BAZ2B: variants seen among roughly 807,000 people sequenced by gnomAD.
The protein encoded by BAZ2B is bromodomain adjacent to zinc finger domain 2B, also known as bromodomain adjacent to zinc finger domain protein 2B.
Under a neutral mutation model 246.0 loss-of-function variants are expected in BAZ2B, and 91 were observed. That is an observed-to-expected ratio of 0.37 (90% CI 0.31 to 0.44). The LOEUF (loss-of-function observed/expected upper bound fraction) is 0.44. Ranked by LOEUF, BAZ2B falls within the 20% of genes least tolerant of loss-of-function variation. BAZ2B has a pLI of 1.00. For missense variants in BAZ2B, 2,332 were observed against 2,533.7 expected (o/e 0.92, Z 1.71); for synonymous variants, 855 against 860.0 (o/e 0.99, Z 0.10).
chr2:159,666,198 C>T, the BAZ2B span, among the ~76,000 whole-genome samples: 1 of 149,662 alleles, frequency 6.7e-6, no homozygotes, highest in African/African-American at 2.5e-5. Context: ...TTTCAAAGAG[C>T]AAAAGTTTTA....
chr2:159,418,853 T>A (rs1480880414), intron 13 of BAZ2B, among the ~76,000 whole-genome samples: 1 of 152,174 alleles, frequency 6.6e-6, no homozygotes, highest in Non-Finnish European at 1.5e-5. Context: ...TGTAAGTGAA[T>A]GGAAGGACTT....
At position 159,498,873 on chromosome 2, in the gene BAZ2B, T is replaced by G. The variant is rs1254352649; in HGVS notation, c.-2-20152A>C. On this transcript the variant is annotated intron_variant, in intron 2 of 36. Coordinates refer to ENST00000392783, the MANE Select transcript of BAZ2B (RefSeq NM_013450.4). ...TATTGGCAATACCCAAATATTAACA[T>G]AAATAACGTTGACTTTTATTAAGCT... Among the ~76,000 whole-genome samples the G allele has an allele frequency of 2.0e-5, 3 of 152,244 alleles. No individual in the cohort carries two copies. In the South Asian group the frequency reaches 6.2e-4, roughly 31 times the overall value.
chr2:159,633,072 G>T, the BAZ2B span, among the ~76,000 whole-genome samples: 1 of 151,612 alleles, frequency 6.6e-6, no homozygotes, highest in Non-Finnish European at 1.5e-5. Flanking sequence ...TTTGTGAATT[G>T]TATGATACTG....
chr2:159,710,820 G>A, the BAZ2B span: 1 of 152,156 alleles, frequency 6.6e-6, no homozygotes, highest in African/African-American at 2.4e-5. Context: ...ACCACTGCCA[G>A]GTCTGACTGC....
intron 18 of BAZ2B, 27 bp from the exon 19 acceptor site, chr2:159,397,416 T>C (rs774068539): frequency 6.3e-6 from 9 of 1,422,836 alleles, no homozygotes; most frequent in Non-Finnish European, 8.7e-6. Flanking sequence ...TTTTAATACG[T>C]GATTTTTAGA....
upstream of BAZ2B, among the ~76,000 whole-genome samples, chr2:159,617,367 T>C (rs1696205906): frequency 6.6e-6 from 1 of 152,022 alleles, no homozygotes; most frequent in Non-Finnish European, 1.5e-5. Context: ...AAACTAAAGA[T>C]ACAATAGGCC....
the BAZ2B span, among the ~76,000 whole-genome samples, chr2:159,639,083 G>A: frequency 6.6e-6 from 1 of 152,066 alleles, no homozygotes; most frequent in Non-Finnish European, 1.5e-5. Context: ...GGCCAGGAGA[G>A]AGTAGCATAA....
intron 32 of BAZ2B, 199 bp downstream of exon 32, chr2:159,337,368 C>A: frequency 7.5e-7 from 1 of 1,341,444 alleles, no homozygotes; most frequent in South Asian, 1.4e-5. Flanking sequence ...GGATCACAGA[C>A]ATACAAGAAG....
At chr2:159,422,256 T>G (rs532978138) in intron 13 of BAZ2B, among the ~76,000 whole-genome samples, 1 of 152,164 alleles carries the variant, frequency 6.6e-6, no homozygotes, top group African/African-American at 2.4e-5. Context: ...CTAAAATTCA[T>G]ATGAAACCTA....
At chr2:159,382,832 G>T in intron 24 of BAZ2B, 30 bp from the exon 25 acceptor site, 1 of 1,588,254 alleles carries the variant, frequency 6.3e-7, no homozygotes. Flanking sequence ...TGATGACAAG[G>T]AAAAAAAGAC....
intron 1 of BAZ2B, among the ~76,000 whole-genome samples, chr2:159,588,142 A>ACGATTGTACCACTGCACTTCAG: frequency 6.7e-6 from 1 of 149,824 alleles, no homozygotes; most frequent in Admixed American, 6.7e-5. Context: ...GCAGTGAGCT[A>ACGATTGTACCACTGCACTTCAG]CGATTGTACC....
In BAZ2B at chr2:159,348,943, A is replaced by G. The variant is rs192720487; in HGVS notation, c.5137+64T>C. ...ATATAGAACCATCAAATATTCAGTT[A>G]TAATACAGGAATCCATAATATTGAA... On this transcript the variant is annotated intron_variant, in intron 29 of 36. Coordinates refer to ENST00000392783, the MANE Select transcript of BAZ2B (RefSeq NM_013450.4). The G allele has an allele frequency of 8.7e-5, 137 of 1,574,884 alleles. 1 individual carries two copies. The East Asian group carries it at 1.6e-3, about 19-fold the overall frequency.
At chr2:159,322,103 T>G (rs528953948) in intron 36 of BAZ2B, 2 of 152,172 alleles carry the variant, frequency 1.3e-5, no homozygotes, top group Non-Finnish European at 2.9e-5. Context: ...CTTGTCAAAG[T>G]GGAATTCTAT....
At chr2:159,472,583 C>A (rs2077947639) in intron 3 of BAZ2B, among the ~76,000 whole-genome samples, 1 of 152,172 alleles carries the variant, frequency 6.6e-6, no homozygotes, top group African/African-American at 2.4e-5. Flanking sequence ...GGGAATGCTT[C>A]CAGCTTTAGC....
chr2:159,540,371 T>A (rs2086517962), intron 2 of BAZ2B, among the ~76,000 whole-genome samples: 1 of 152,224 alleles, frequency 6.6e-6, no homozygotes, highest in African/African-American at 2.4e-5. Context: ...ATATCAATAC[T>A]ACAACTGAGG....
chr2:159,538,976 CAT>C (rs1163505643), intron 2 of BAZ2B, among the ~76,000 whole-genome samples: 1 of 152,156 alleles, frequency 6.6e-6, no homozygotes, highest in Non-Finnish European at 1.5e-5. Context: ...AGTTGGAAAA[CAT>C]AAACTGTTTT....
At chr2:159,475,636 C>T (rs190753354) in intron 3 of BAZ2B, among the ~76,000 whole-genome samples, 13 of 152,136 alleles carry the variant, frequency 8.5e-5, no homozygotes, top group East Asian at 7.7e-4. Flanking sequence ...AGAGGTGTTC[C>T]GGTTTTTGGA....
chr2:159,450,228 T>C (rs1376707117), intron 4 of BAZ2B, among the ~76,000 whole-genome samples: 1 of 151,632 alleles, frequency 6.6e-6, no homozygotes, highest in Admixed American at 6.6e-5. Context: ...AATAAGCACA[T>C]AGCTGGTGTG....
intron 2 of BAZ2B, among the ~76,000 whole-genome samples, chr2:159,548,972 G>A (rs908699219): frequency 3.3e-5 from 5 of 152,072 alleles, no homozygotes; most frequent in African/African-American, 1.2e-4. Context: ...TTCCTCAAAT[G>A]TTATATTTCA....
Sources: gnomAD v4.1 joint callset for allele counts (sites outside exome capture counted in the v4.1 genomes callset) on GRCh38, gnomAD v4.1.1 for gene constraint, MANE v1.5 for transcripts, NCBI Gene and HGNC (gene_info 2026-07-23, HGNC 2026-07-21) for gene names.